The following COL27A1 variants were observed in gnomAD, a reference collection of about 807,000 sequenced individuals.
The protein encoded by COL27A1 is collagen type XXVII alpha 1 chain.
COL27A1 carries 106 observed loss-of-function variants against 251.3 expected under a neutral mutation model. That is an observed-to-expected ratio of 0.42 (90% confidence interval 0.36 to 0.50). COL27A1 has a LOEUF of 0.50. Among genes scored for constraint, COL27A1 ranks in the 20% least tolerant of loss-of-function variants. The pLI is 0.00. For synonymous variants in COL27A1, 1,000 were observed against 986.3 expected, an observed-to-expected ratio of 1.01 and a Z score of -0.26; for missense variants, 2,325 against 2,522.8, an observed-to-expected ratio of 0.92 and a Z score of 1.68.
At chr9:114,278,335 T>G in intron 37 of COL27A1, among the ~76,000 whole-genome samples, 1 of 38,082 alleles carries the variant, frequency 2.6e-5, no homozygotes, top group Middle Eastern at 0.01. Context: ...GTGGTGATGG[T>G]GGTGCTGGTG....
intron 3 of COL27A1, among the ~76,000 whole-genome samples, chr9:114,172,771 G>C (rs1849413894): frequency 6.6e-6 from 1 of 152,170 alleles, no homozygotes; most frequent in Non-Finnish European, 1.5e-5. Flanking sequence ...TCCAGCCTGG[G>C]CAACAGAGTA....
intron 49 of COL27A1, 41 bp from the exon 50 acceptor site, chr9:114,300,029 C>T: frequency 6.2e-7 from 1 of 1,609,278 alleles, no homozygotes; most frequent in Non-Finnish European, 8.5e-7. Context: ...ACACGCTGAC[C>T]ATGAGCTCAC....
chr9:114,301,833 C>T lies in COL27A1; in HGVS notation c.4845+116C>T, dbSNP rs1334318764. On this transcript the variant is annotated intron_variant, in intron 55 of 60. Coordinates refer to ENST00000356083, the MANE Select transcript of COL27A1 (RefSeq NM_032888.4). ...CTGAACCCCACAGGGGTTCTTGTAG[C>T]CCACAGACTCCTAGGAGAGTATAGG... The T allele has an allele frequency of 9.6e-6, 10 of 1,044,750 alleles. No individual in the cohort carries two copies. The East Asian group carries it at 2.2e-4, about 23-fold the overall frequency. 64.7% of individuals were successfully genotyped at this position (1,044,750 alleles called of 1,614,324 possible). A position where few individuals can be genotyped will look rare whatever the true frequency, so the allele number is the denominator to read the frequency against.
chr9:114,249,316 C>T (rs570026761), intron 24 of COL27A1, among the ~76,000 whole-genome samples: 3 of 152,312 alleles, frequency 2.0e-5, no homozygotes, highest in East Asian at 3.9e-4. Flanking sequence ...TAGCTGTGAC[C>T]TTATACCTAG....
chr9:114,235,666 A>T lies in COL27A1; in HGVS notation c.2619+14A>T. Reference sequence around the variant, plus strand: ...CAAGGAGACAAGGTAATTGCATGAGATTTTCCCCTCCCCCTGCCCCTGCCC... The same window carrying T: ...CAAGGAGACAAGGTAATTGCATGAGTTTTTCCCCTCCCCCTGCCCCTGCCC... On this transcript the variant is annotated intron_variant, in intron 17 of 60. Transcript: ENST00000356083. The T allele has an allele frequency of 6.2e-7, 1 of 1,605,828 alleles. No homozygotes were observed. The highest frequency in any genetic ancestry group is 8.5e-7 in the Non-Finnish European group (1 of 1,173,196).
intron 7 of COL27A1, among the ~76,000 whole-genome samples, chr9:114,200,499 G>T (rs1730361602): frequency 6.6e-6 from 1 of 152,218 alleles, no homozygotes; most frequent in African/African-American, 2.4e-5. Flanking sequence ...TTTGTTTGAT[G>T]AATGAATAAC....
chr9:114,274,256 C>G (rs918649818), intron 36 of COL27A1: 4 of 151,622 alleles, frequency 2.6e-5, no homozygotes, highest in Admixed American at 6.6e-5. Flanking sequence ...AAGCCCATGC[C>G]AAGGGTTGCC....
At chr9:114,166,457 A>ATCCGTCCATCCATCCATCCC (rs1364094420) in intron 2 of COL27A1, among the ~76,000 whole-genome samples, 1 of 151,658 alleles carries the variant, frequency 6.6e-6, no homozygotes. Flanking sequence ...CCATCCATCC[A>ATCCGTCCATCCATCCATCCC]TCCATCCATC....
intron 54 of COL27A1, 66 bp downstream of exon 54, chr9:114,301,528 G>C (rs370013487): frequency 6.4e-7 from 1 of 1,574,058 alleles, no homozygotes; most frequent in Non-Finnish European, 8.6e-7. Context: ...TTCTCCTCCC[G>C]GTGGTACATT....
At chr9:114,179,712 C>T (rs1380697945) in intron 4 of COL27A1, among the ~76,000 whole-genome samples, 2 of 152,162 alleles carry the variant, frequency 1.3e-5, no homozygotes, top group African/African-American at 4.8e-5. Flanking sequence ...TCAATCTATT[C>T]CCATTTTACA....
At chr9:114,212,598 C>A (rs960191214) in intron 12 of COL27A1, among the ~76,000 whole-genome samples, 10 of 152,176 alleles carry the variant, frequency 6.6e-5, no homozygotes, top group African/African-American at 2.2e-4. Flanking sequence ...AGAAAGTCTC[C>A]CTCGCTTTAT....
rs1828998920 is a variant in COL27A1 at position 114,305,812 on chromosome 9, GAT to G, written c.4939-707_4939-706del. ...GTAGTCTGTCCAGGCAGAAGAAATG[GAT>G]TGGGTGAGCGGCTGCTGGTCTCTGA... On this transcript the variant is annotated intron_variant, in intron 57 of 60. Transcript: ENST00000356083. 2.0e-5 allele frequency among the ~76,000 whole-genome samples: 3 copies of G among 152,186 alleles called. No homozygotes were observed. The South Asian group carries it at 6.2e-4, about 32-fold the overall frequency.
At chr9:114,206,652 C>T (rs1829983930) in intron 10 of COL27A1, among the ~76,000 whole-genome samples, 1 of 152,206 alleles carries the variant, frequency 6.6e-6, no homozygotes, top group Non-Finnish European at 1.5e-5. Context: ...CTTCAGAGGC[C>T]TCCCTCCTGC....
At chr9:114,248,403 C>T (rs1363507985) in intron 24 of COL27A1, among the ~76,000 whole-genome samples, 1 of 152,224 alleles carries the variant, frequency 6.6e-6, no homozygotes, top group Non-Finnish European at 1.5e-5. Flanking sequence ...AAGAAAACTT[C>T]CGGTAGCAGA....
intron 49 of COL27A1, among the ~76,000 whole-genome samples, chr9:114,294,082 CAAA>C (rs57583693): frequency 0.51 from 70,056 of 136,672 alleles, 17,136 homozygotes; most frequent in East Asian, 0.67. Context: ...ACTAACAATA[CAAA>C]AAAAAAAAAA....
At position 114,265,121 on chromosome 9, in the gene COL27A1, C is replaced by G; in HGVS notation, c.3339+11C>G. 4.4e-6 allele frequency: 7 copies of G among 1,605,444 alleles called. No individual in the cohort carries two copies. Among genetic ancestry groups the G allele is most frequent in the Non-Finnish European group, 5.1e-6 (6 of 1,175,288 alleles). On this transcript the variant is annotated intron_variant, in intron 31 of 60. Transcript: ENST00000356083. ...TCGAGAGGCTTTCCTGTAAGTAGCA[C>G]CAGTTCTTGAAATTCTCTACATGGG... is the stretch of plus-strand genomic sequence containing the variant.
Position 114,310,981 on chromosome 9 carries a change from G to A in COL27A1, c.*286G>A, listed in dbSNP as rs1473416698. On this transcript the variant is annotated 3_prime_UTR_variant, in exon 61 of 61. Coordinates refer to ENST00000356083, the MANE Select transcript of COL27A1 (RefSeq NM_032888.4). ...AGCCCCGTGGCCTCTCAGCTCTGCGGCCACCCCGTTCCCTCCCCAGCTTCC... is the reference window on the plus strand; with the variant it reads ...AGCCCCGTGGCCTCTCAGCTCTGCGACCACCCCGTTCCCTCCCCAGCTTCC... The A allele has an allele frequency of 6.0e-6, 2 of 331,630 alleles. No homozygotes were observed. The highest frequency in any genetic ancestry group is 1.1e-5 in the Non-Finnish European group (2 of 180,138). 20.5% of individuals were successfully genotyped at this position (331,630 alleles called of 1,614,324 possible).
chr9:114,217,730 A>G, intron 12 of COL27A1: 1 of 469,116 alleles, frequency 2.1e-6, no homozygotes, highest in South Asian at 1.6e-5. Flanking sequence ...GCCAGACAAC[A>G]TTGCCCTTGT....
At chr9:114,162,478 G>A (rs1428588708) in intron 1 of COL27A1, among the ~76,000 whole-genome samples, 1 of 152,170 alleles carries the variant, frequency 6.6e-6, no homozygotes, top group Admixed American at 6.5e-5. Context: ...TGATCTGTGA[G>A]AAGTGAGGCT....
Sources: allele counts gnomAD v4.1 joint callset (sites outside exome capture counted in the v4.1 genomes callset), GRCh38; gene constraint gnomAD v4.1.1; transcripts MANE v1.5; gene names NCBI Gene and HGNC (gene_info 2026-07-23, HGNC 2026-07-21).